The following RASGRF1 variants were observed in gnomAD, a reference collection of about 807,000 sequenced individuals.
The protein encoded by RASGRF1 is Ras protein specific guanine nucleotide releasing factor 1, also known as ras-specific guanine nucleotide-releasing factor 1.
RASGRF1 carries 40 observed loss-of-function variants against 138.7 expected under a neutral mutation model. The observed-to-expected ratio is 0.29, with a 90% CI of 0.22 to 0.38. RASGRF1 has a LOEUF of 0.38. RASGRF1 is among the 10% of genes least tolerant of loss of function. The probability of loss-of-function intolerance (pLI) is 1.00; values close to 1 mark genes in which losing one functional copy is unlikely to be tolerated. For synonymous variants in RASGRF1, 614 were observed against 663.2 expected (o/e 0.93, Z 1.14); for missense variants, 1,108 against 1,650.4 (o/e 0.67, Z 5.69).
At chr15:79,075,890 C>T (rs2057826564) in intron 1 of RASGRF1, among the ~76,000 whole-genome samples, 1 of 152,204 alleles carries the variant, frequency 6.6e-6, no homozygotes, top group Admixed American at 6.5e-5. Context: ...ACAACACTTG[C>T]CTTGGTCTAT....
intron 8 of RASGRF1, among the ~76,000 whole-genome samples, chr15:79,028,645 G>A (rs1376297153): frequency 6.6e-6 from 1 of 152,146 alleles, no homozygotes. Context: ...TCTTGGGAAG[G>A]TAGAGGGGAA....
intron 1 of RASGRF1, among the ~76,000 whole-genome samples, chr15:79,071,445 C>T (rs1328439960): frequency 6.6e-6 from 1 of 151,872 alleles, no homozygotes; most frequent in African/African-American, 2.4e-5. Flanking sequence ...TTGCAACCTC[C>T]ACCTTCCAGG....
At chr15:79,025,766 A>G (rs1334867673) in intron 9 of RASGRF1, among the ~76,000 whole-genome samples, 1 of 152,068 alleles carries the variant, frequency 6.6e-6, no homozygotes, top group Admixed American at 6.5e-5. Flanking sequence ...GGTGAGAATG[A>G]AGGGCTGGGC....
At chr15:79,013,536 T>A (rs1403634923) in intron 13 of RASGRF1, among the ~76,000 whole-genome samples, 2 of 152,230 alleles carry the variant, frequency 1.3e-5, no homozygotes, top group East Asian at 3.8e-4. Flanking sequence ...CATCTGCAGT[T>A]CCCCAGAGCA....
intron 2 of RASGRF1, among the ~76,000 whole-genome samples, chr15:79,063,075 C>T (rs1371350076): frequency 6.6e-6 from 1 of 152,144 alleles, no homozygotes; most frequent in Non-Finnish European, 1.5e-5. Flanking sequence ...CTCCCATTTC[C>T]CTGCAGATGG....
At chr15:79,089,656 C>G (rs2058027343) in intron 1 of RASGRF1, among the ~76,000 whole-genome samples, 1 of 152,236 alleles carries the variant, frequency 6.6e-6, no homozygotes, top group African/African-American at 2.4e-5. Flanking sequence ...TCGATGGTAC[C>G]GAACCGACCC....
chr15:79,026,925 A>T (rs534472014), intron 9 of RASGRF1, among the ~76,000 whole-genome samples: 12 of 152,246 alleles, frequency 7.9e-5, no homozygotes, highest in Non-Finnish European at 1.6e-4. Context: ...CACCACACAC[A>T]GGGGCTGGGA....
At chr15:79,012,640 T>A (rs2056818224) in intron 13 of RASGRF1, 2 of 1,483,192 alleles carry the variant, frequency 1.3e-6, no homozygotes, top group Admixed American at 4.3e-5. Flanking sequence ...TTTTGTTATT[T>A]TTTTCTTTCA....
chr15:78,961,582 T>A lies in RASGRF1; in HGVS notation c.*562A>T, dbSNP rs890012791. ...TCTGAGCAGAGAGGACTCCCTTCCG[T>A]CCAGGTTACTGGGAGACACATGGGG... On this transcript the variant is annotated 3_prime_UTR_variant, in exon 27 of 27. Transcript: ENST00000558480. 6.5e-6 allele frequency: 1 copy of A among 154,090 alleles called. No homozygotes were observed. The allele number at this position is 154,090 out of a possible 1,614,324, so 9.5% of individuals were successfully genotyped here.
At chr15:78,984,970 C>A (rs74024502) in intron 23 of RASGRF1, 37 bp downstream of exon 23, 1 of 1,597,392 alleles carries the variant, frequency 6.3e-7, no homozygotes, top group Admixed American at 1.7e-5. Context: ...CCCAATCCAG[C>A]CCCAGGGAGG....
At chr15:78,979,596 G>C (rs1162497406) in intron 24 of RASGRF1, among the ~76,000 whole-genome samples, 3 of 152,260 alleles carry the variant, frequency 2.0e-5, no homozygotes, top group Non-Finnish European at 4.4e-5. Flanking sequence ...AGAAGCCTGA[G>C]TAAGCACCTA....
intron 3 of RASGRF1, among the ~76,000 whole-genome samples, chr15:79,051,273 C>T (rs893087977): frequency 2.0e-5 from 3 of 152,178 alleles, no homozygotes; most frequent in Admixed American, 2.0e-4. Context: ...CTCTCCACTC[C>T]CTGGTTGCTA....
At chr15:79,079,653 T>C (rs988838850) in intron 1 of RASGRF1, among the ~76,000 whole-genome samples, 2 of 152,182 alleles carry the variant, frequency 1.3e-5, no homozygotes, top group African/African-American at 4.8e-5. Flanking sequence ...CATGTATATA[T>C]ATATAATCCC....
chr15:78,972,991 G>C (rs2055800027), intron 25 of RASGRF1, among the ~76,000 whole-genome samples: 2 of 152,146 alleles, frequency 1.3e-5, no homozygotes, highest in East Asian at 1.9e-4. Flanking sequence ...GGGTGACCTT[G>C]GGCTGCTCAC....
rs529627550 is a variant in RASGRF1 at position 78,975,340 on chromosome 15, C to T, written c.3495-1920G>A. Among the ~76,000 whole-genome samples the T allele has an allele frequency of 3.3e-5, 5 of 151,130 alleles. No homozygotes were observed. The South Asian group carries it at 6.3e-4, about 19-fold the overall frequency. On this transcript the variant is annotated intron_variant, in intron 24 of 26. Coordinates refer to ENST00000558480, the MANE Select transcript of RASGRF1 (RefSeq NM_001145648.3). ...TTTTTGTTCCTGTGATGCATATATGCATTTGTATACAGGCTTGTAGTTTCA... is the reference window on the plus strand; with the variant it reads ...TTTTTGTTCCTGTGATGCATATATGTATTTGTATACAGGCTTGTAGTTTCA...
chr15:79,069,177 G>A (rs990813803), intron 1 of RASGRF1, among the ~76,000 whole-genome samples: 4 of 152,200 alleles, frequency 2.6e-5, no homozygotes. Context: ...GCCTAGTACT[G>A]AGTGGATGCT....
chr15:78,966,203 C>A (rs564595440), intron 26 of RASGRF1, among the ~76,000 whole-genome samples: 2 of 151,766 alleles, frequency 1.3e-5, no homozygotes, highest in South Asian at 4.2e-4. Flanking sequence ...CAAAGTTTCC[C>A]TACCAGACCA....
rs1285421905 is a variant in RASGRF1 at position 79,090,544 on chromosome 15, C to T, written c.-46G>A. ...ACCCCACGCGCTTACATCTTCTCCG[C>T]GCAGCAGCCCCCCGTCCGTGCGCGC... On this transcript the variant is annotated 5_prime_UTR_variant, in exon 1 of 27. Transcript: ENST00000558480. The T allele has an allele frequency of 6.3e-7, 1 of 1,589,418 alleles. No homozygotes were observed. Among genetic ancestry groups the T allele is most frequent in the South Asian group, 1.1e-5 (1 of 89,772 alleles).
chr15:79,027,115 T>C lies in RASGRF1; in HGVS notation c.1381+626A>G, dbSNP rs971627911. ...CAGGAGCTGAGTCTCCCACAAAACA[T>C]GGAAGTTGAATGTGATGAATTTCAA... On this transcript the variant is annotated intron_variant, in intron 9 of 26. Coordinates refer to ENST00000558480, the MANE Select transcript of RASGRF1 (RefSeq NM_001145648.3). The surrounding 1 kb of genome is among the most constrained non-coding windows in gnomAD (Gnocchi z 4.8). 2.6e-5 allele frequency among the ~76,000 whole-genome samples: 4 copies of C among 152,106 alleles called. No homozygotes were observed. The highest frequency in any genetic ancestry group is 5.9e-5 in the Non-Finnish European group (4 of 68,028).
Sources: gnomAD v4.1 joint callset for allele counts (sites outside exome capture counted in the v4.1 genomes callset) on GRCh38, gnomAD v4.1.1 for gene constraint, Gnocchi (gnomAD v3.1) non-coding constraint, MANE v1.5 for transcripts, NCBI Gene and HGNC (gene_info 2026-07-23, HGNC 2026-07-21) for gene names.